GALNT3: variants seen among roughly 807,000 people sequenced by gnomAD.
GALNT3 encodes GalNAc transferase 3.
GALNT3 carries 51 observed loss-of-function variants against 69.8 expected under a neutral mutation model. That is an observed-to-expected ratio of 0.73 (90% CI 0.58 to 0.92). The LOEUF (loss-of-function observed/expected upper bound fraction) is 0.92. Among genes scored for constraint, GALNT3 ranks in the 40% least tolerant of loss-of-function variants. The pLI, the probability that GALNT3 is intolerant of heterozygous loss-of-function variation, is 0.00. For missense variants in GALNT3, 711 were observed against 760.0 expected, an observed-to-expected ratio of 0.94 and a Z score of 0.76; for synonymous variants, 265 against 248.5, an observed-to-expected ratio of 1.07 and a Z score of -0.63.
intron 5 of GALNT3, 35 bp downstream of exon 5, chr2:165,759,301 G>T: frequency 1.3e-6 from 2 of 1,502,692 alleles, no homozygotes; most frequent in Non-Finnish European, 1.8e-6. Context: ...ATGGTATAGG[G>T]TGTAAATATA....
In GALNT3 at chr2:165,754,993, T is replaced by C. The variant is rs1392766867; in HGVS notation, c.1463A>G (p.Tyr488Cys). The change falls in exon 8 of 11, where the codon TAT becomes TGT. Residue 488 changes from tyrosine to cysteine, a missense_variant. Physicochemically the swap from Tyr to Cys is radical, Grantham distance 194. Coordinates refer to ENST00000392701, the MANE Select transcript of GALNT3 (RefSeq NM_004482.4). ...CACCTCTGGATAAATGTTGTTCAGA[T>C]ACCATGTAAAATTTTTACACTGAAG... ...HRLQCKNFTWYLNNIYPEVYV... is the reference protein window; with the variant it reads ...HRLQCKNFTWCLNNIYPEVYV... The C allele has an allele frequency of 6.2e-7, 1 of 1,612,270 alleles. No individual in the cohort carries two copies. The highest frequency in any genetic ancestry group is 1.1e-5 in the South Asian group (1 of 91,048).
intron 3 of GALNT3, 93 bp downstream of exon 3, chr2:165,764,791 A>G: frequency 8.0e-7 from 1 of 1,246,886 alleles, no homozygotes; most frequent in South Asian, 1.2e-5. Context: ...TCAAGCTCTG[A>G]GATGGCATAC....
rs1688291706 is a variant in GALNT3 at position 165,748,067 on chromosome 2, T to A, written c.*714A>T. 1 of 181,056 alleles carries A rather than the reference T, an allele frequency of 5.5e-6. No individual in the cohort carries two copies. Among genetic ancestry groups the A allele is most frequent in the Admixed American group, 6.3e-5 (1 of 15,930 alleles). The allele number at this position is 181,056 out of a possible 1,614,324, so 11.2% of individuals were successfully genotyped here. Reference sequence around the variant, plus strand: ...CAACAGATAGTAATTTATAAAAATTTTTTTAAAAGTGCTTTGGGAAAACAC... The same window carrying A: ...CAACAGATAGTAATTTATAAAAATTATTTTAAAAGTGCTTTGGGAAAACAC... On this transcript the variant is annotated 3_prime_UTR_variant, in exon 11 of 11. Transcript: ENST00000392701.
At chr2:165,780,411 C>T (rs1421919739) in intron 1 of GALNT3, among the ~76,000 whole-genome samples, 1 of 152,174 alleles carries the variant, frequency 6.6e-6, no homozygotes, top group Non-Finnish European at 1.5e-5. Context: ...CCATAAAAAC[C>T]ATTAACAACT....
intron 1 of GALNT3, among the ~76,000 whole-genome samples, chr2:165,778,227 T>C (rs1246515192): frequency 6.6e-6 from 1 of 152,228 alleles, no homozygotes; most frequent in Non-Finnish European, 1.5e-5. Context: ...ATGAAAGATA[T>C]GCATTGATTA....
At chr2:165,791,832 A>G (rs1003294994) in intron 1 of GALNT3, among the ~76,000 whole-genome samples, 1 of 152,228 alleles carries the variant, frequency 6.6e-6, no homozygotes, top group Admixed American at 6.5e-5. Context: ...TTCCACAATG[A>G]GAGGAGCATG....
chr2:165,756,779 C>T (rs892159005), intron 7 of GALNT3, among the ~76,000 whole-genome samples: 13 of 152,076 alleles, frequency 8.5e-5, no homozygotes, highest in Non-Finnish European at 1.6e-4. Flanking sequence ...ACTTAATTTT[C>T]TTCGAGTAAA....
At position 165,764,874 on chromosome 2, in the gene GALNT3, G is replaced by A; in HGVS notation, c.688+10C>T. ...TTGGGAAACAATCTAATTTGCATGT[G>A]CTTTCTTACCATCTACACTAGCATC... On this transcript the variant is annotated intron_variant, in intron 3 of 10. Coordinates refer to ENST00000392701, the MANE Select transcript of GALNT3 (RefSeq NM_004482.4). The A allele has an allele frequency of 6.2e-7, 1 of 1,613,742 alleles. No individual in the cohort carries two copies. The highest frequency in any genetic ancestry group is 8.5e-7 in the Non-Finnish European group (1 of 1,179,756).
At chr2:165,754,188 C>G (rs781141961) in intron 9 of GALNT3, among the ~76,000 whole-genome samples, 18 of 151,534 alleles carry the variant, frequency 1.2e-4, no homozygotes, top group Non-Finnish European at 2.1e-4. Context: ...CTCCGTGGTT[C>G]AAGCAATTCT....
At chr2:165,784,979 C>T (rs1220874286) in intron 1 of GALNT3, among the ~76,000 whole-genome samples, 2 of 152,198 alleles carry the variant, frequency 1.3e-5, no homozygotes, top group Non-Finnish European at 2.9e-5. Context: ...TAAGTATTTA[C>T]TATCAGGTGT....
chr2:165,769,407 AAATAAT>A (rs35161167), intron 2 of GALNT3, among the ~76,000 whole-genome samples: 1,534 of 131,354 alleles, frequency 0.012, 14 homozygotes, highest in Middle Eastern at 0.027. Context: ...CTCCATCTCA[AAATAAT>A]AATAATAATA....
intron 2 of GALNT3, among the ~76,000 whole-genome samples, chr2:165,769,437 TAATAAATA>T (rs1553493957): frequency 8.5e-6 from 1 of 118,000 alleles, no homozygotes; most frequent in African/African-American, 3.0e-5. Flanking sequence ...ATAATAATAA[TAATAAATA>T]AATAAATAAA....
rs139397826 is a variant in GALNT3, at chr2:165,761,912, A to T, written c.831T>A (p.Asp277Glu). 3.8e-5 allele frequency: 62 copies of T among 1,613,994 alleles called. No individual in the cohort carries two copies. Among genetic ancestry groups the T allele is most frequent in the Non-Finnish European group, 5.1e-5 (60 of 1,180,002 alleles). ...CCATACATATATACTTACAGTGAGC[A>T]TCTAAAAATGTGAGCGTTTCAGCTG... ...VATAETLTFL[D>E]AHCECFYGWL... The change falls in exon 4 of 11, where the codon GAT becomes GAA. Residue 277 changes from aspartate (D) to glutamate (E), a missense_variant. Physicochemically the swap from Asp to Glu is conservative, Grantham distance 45. Coordinates refer to ENST00000392701, the MANE Select transcript of GALNT3 (RefSeq NM_004482.4).
chr2:165,774,608 T>A (rs915727588), intron 1 of GALNT3, among the ~76,000 whole-genome samples: 2 of 152,146 alleles, frequency 1.3e-5, no homozygotes, highest in Non-Finnish European at 2.9e-5. Context: ...ATTCAATTAG[T>A]AGGTTTTAGT....
chr2:165,786,999 C>A (rs1683236462), intron 1 of GALNT3, among the ~76,000 whole-genome samples: 1 of 152,138 alleles, frequency 6.6e-6, no homozygotes, highest in African/African-American at 2.4e-5. Flanking sequence ...TAACTAAAAT[C>A]TATTTTTAAA....
intron 7 of GALNT3, 76 bp downstream of exon 7, chr2:165,756,971 G>A: frequency 8.9e-7 from 1 of 1,120,290 alleles, no homozygotes; most frequent in South Asian, 1.3e-5. Flanking sequence ...TTTTGTACTT[G>A]AGATGAATCG....
chr2:165,777,811 G>C (rs905867545), intron 1 of GALNT3, among the ~76,000 whole-genome samples: 2 of 152,194 alleles, frequency 1.3e-5, no homozygotes, highest in African/African-American at 4.8e-5. Flanking sequence ...GAGTTACTCT[G>C]GGTGGCTGGG....
At chr2:165,781,258 A>T (rs1434785238) in intron 1 of GALNT3, among the ~76,000 whole-genome samples, 1 of 152,148 alleles carries the variant, frequency 6.6e-6, no homozygotes. Flanking sequence ...CTCTGTAAAC[A>T]GGTTGAGGTA....
chr2:165,756,933 T>TA, intron 7 of GALNT3, 114 bp downstream of exon 7: 1 of 817,136 alleles, frequency 1.2e-6, no homozygotes, highest in Non-Finnish European at 2.0e-6. Flanking sequence ...CTTTAAGAGT[T>TA]AAAAACCTAC....
Sources: allele counts gnomAD v4.1 joint callset (sites outside exome capture counted in the v4.1 genomes callset), GRCh38; gene constraint gnomAD v4.1.1; transcripts MANE v1.5; gene names NCBI Gene and HGNC (gene_info 2026-07-23, HGNC 2026-07-21).